Variants in AGAP1 observed in about 807,000 individuals in gnomAD.
AGAP1 encodes the protein arf-GAP with GTPase, ANK repeat and PH domain-containing protein 1.
In AGAP1, 29 loss-of-function variants were observed where a neutral mutation model predicts 105.3. That is an observed-to-expected ratio of 0.28 (90% CI 0.21 to 0.38). The LOEUF (loss-of-function observed/expected upper bound fraction) is 0.38. AGAP1 is among the 10% of genes least tolerant of loss of function. The pLI is 1.00. For missense variants in AGAP1, 998 were observed against 1,165.1 expected (o/e 0.86, Z 2.09); for synonymous variants, 509 against 485.9 (o/e 1.05, Z -0.63).
rs376902634 is a variant in AGAP1 at position 235,721,601 on chromosome 2, C to G, written c.310+3957C>G. On this transcript the variant is annotated intron_variant, in intron 3 of 17. Coordinates refer to ENST00000304032, the MANE Select transcript of AGAP1 (RefSeq NM_001037131.3). This position sits in a 1 kb window ranked among gnomAD's most constrained non-coding sequence, Gnocchi z 4.5. Reference sequence around the variant, plus strand: ...GTGGCTTAAAACAGAAATGTATTCTCATAGTTCTCAGAAGTCTGAAATCAA... The same window carrying G: ...GTGGCTTAAAACAGAAATGTATTCTGATAGTTCTCAGAAGTCTGAAATCAA... 6.6e-6 allele frequency among the ~76,000 whole-genome samples: 1 copy of G among 152,188 alleles called. No homozygotes were observed. The highest frequency in any genetic ancestry group is 1.5e-5 in the Non-Finnish European group (1 of 68,036).
At chr2:236,006,372 T>G (rs1161714541) in intron 13 of AGAP1, among the ~76,000 whole-genome samples, 1 of 152,228 alleles carries the variant, frequency 6.6e-6, no homozygotes, top group African/African-American at 2.4e-5. Context: ...ACCAGTGTCT[T>G]GGAGCTAGGC....
At chr2:235,671,134 C>A (rs568855321) in intron 1 of AGAP1, 2 of 1,229,778 alleles carry the variant, frequency 1.6e-6, no homozygotes, top group Non-Finnish European at 2.0e-6. Context: ...GGCTATGGGA[C>A]CCGCCCTCCC....
At chr2:235,502,420 T>C (rs1941600303) in intron 1 of AGAP1, among the ~76,000 whole-genome samples, 1 of 152,150 alleles carries the variant, frequency 6.6e-6, no homozygotes, top group South Asian at 2.1e-4. Context: ...CTGCCACTGC[T>C]TGCTCCAGTA....
rs1330680225 is a variant in AGAP1 at position 236,083,044 on chromosome 2, A to T, written c.2114+33763A>T. The stretch of plus-strand genomic sequence containing the variant: ...GTGGTGCACGCCTGTAATCCCAGCT[A>T]CTTAGGAGGCTGAGGCAGGAGAATC... On this transcript the variant is annotated intron_variant, in intron 16 of 17. Transcript: ENST00000304032. The surrounding 1 kb of genome is among the most constrained non-coding windows in gnomAD (Gnocchi z 5.3). Among the ~76,000 whole-genome samples, 6 of 151,922 alleles carry T rather than the reference A, an allele frequency of 3.9e-5. No homozygotes were observed. Among genetic ancestry groups the T allele is most frequent in the Non-Finnish European group, 8.8e-5 (6 of 67,994 alleles).
At position 235,934,715 on chromosome 2, in the gene AGAP1, A is replaced by G. The variant is rs1456951898; in HGVS notation, c.1483+3792A>G. On this transcript the variant is annotated intron_variant, in intron 12 of 17. Transcript: ENST00000304032. The surrounding 1 kb of genome is among the most constrained non-coding windows in gnomAD (Gnocchi z 4.9). ...TTCGAATGTATCTGCCCCCATCCCT[A>G]GTCTTTGGTTTGGATTTCAGAGTCG... is the stretch of plus-strand genomic sequence containing the variant. Among the ~76,000 whole-genome samples, 1 of 148,128 alleles carries G rather than the reference A, an allele frequency of 6.8e-6. No individual in the cohort carries two copies. The highest frequency in any genetic ancestry group is 1.5e-5 in the Non-Finnish European group (1 of 67,026).
chr2:235,635,301 A>T lies in AGAP1; in HGVS notation c.164-73878A>T, dbSNP rs1353232571. Among the ~76,000 whole-genome samples, 2 of 152,142 alleles carry T rather than the reference A, an allele frequency of 1.3e-5. No homozygotes were observed. Among genetic ancestry groups the T allele is most frequent in the Non-Finnish European group, 2.9e-5 (2 of 68,036 alleles). On this transcript the variant is annotated intron_variant, in intron 1 of 17. Coordinates refer to ENST00000304032, the MANE Select transcript of AGAP1 (RefSeq NM_001037131.3). This position sits in a 1 kb window ranked among gnomAD's most constrained non-coding sequence, Gnocchi z 5.3. ...CCTATCCGAGGTGACTTAGCAGAGG[A>T]TGAAGCACTCCCGTGAGTGAGCTGC...
intron 6 of AGAP1, among the ~76,000 whole-genome samples, chr2:235,760,644 G>A (rs1954361770): frequency 6.6e-6 from 1 of 152,196 alleles, no homozygotes; most frequent in African/African-American, 2.4e-5. Context: ...GGAGTACAGT[G>A]ATGCCATCAT....
At chr2:235,567,404 G>A (rs556573519) in intron 1 of AGAP1, among the ~76,000 whole-genome samples, 130 of 152,314 alleles carry the variant, frequency 8.5e-4, no homozygotes, top group Non-Finnish European at 1.3e-3. Flanking sequence ...GGCCCTGGGC[G>A]TCATTTAGCT....
At chr2:236,108,810 C>T (rs1260107255) in intron 16 of AGAP1, among the ~76,000 whole-genome samples, 2 of 152,036 alleles carry the variant, frequency 1.3e-5, no homozygotes, top group East Asian at 3.9e-4. Context: ...ACACAGCGGC[C>T]CCTGTGAGGA....
At chr2:235,686,665 A>ATAT (rs1369766503) in intron 1 of AGAP1, among the ~76,000 whole-genome samples, 15 of 77,498 alleles carry the variant, frequency 1.9e-4, no homozygotes, top group African/African-American at 9.0e-4. Context: ...ATATATATAT[A>ATAT]TTTTTTTTTT....
Position 235,574,265 on chromosome 2 carries a change from C to G in AGAP1, c.163+79416C>G, listed in dbSNP as rs990033484. Among the ~76,000 whole-genome samples the G allele has an allele frequency of 3.9e-5, 6 of 152,380 alleles. No individual in the cohort carries two copies. The East Asian group carries it at 7.7e-4, about 20-fold the overall frequency. On this transcript the variant is annotated intron_variant, in intron 1 of 17. Coordinates refer to ENST00000304032, the MANE Select transcript of AGAP1 (RefSeq NM_001037131.3). The surrounding 1 kb of genome is among the most constrained non-coding windows in gnomAD (Gnocchi z 5.0). ...TAAAAACGCCTCTGAGATCCACCCC[C>G]ACTCCTGCCATCAGGCATTAAAATC...
rs116881493 is a variant in AGAP1 at position 235,735,778 on chromosome 2, C to T, written c.311-5185C>T. ...CAAGCTCAAGGGCAAACTAAGGCAC[C>T]CAGCGCAGTTTCCACATGTTCTGGG... On this transcript the variant is annotated intron_variant, in intron 3 of 17. Transcript: ENST00000304032. 1.2e-3 allele frequency among the ~76,000 whole-genome samples: 187 copies of T among 152,150 alleles called. 2 individuals are homozygous for T. In the East Asian group the frequency reaches 0.027, roughly 22 times the overall value.
intron 4 of AGAP1, among the ~76,000 whole-genome samples, chr2:235,742,869 A>G (rs1332595480): frequency 1.3e-5 from 2 of 152,190 alleles, no homozygotes; most frequent in African/African-American, 4.8e-5. Context: ...AAATATAGAG[A>G]AAAATCTACA....
At chr2:235,955,085 G>A (rs183655408) in intron 12 of AGAP1, among the ~76,000 whole-genome samples, 1 of 152,236 alleles carries the variant, frequency 6.6e-6, no homozygotes, top group Non-Finnish European at 1.5e-5. Flanking sequence ...GAGGTTCAGG[G>A]GTGCTATTTT....
At chr2:235,504,056 A>AT (rs1267983667) in intron 1 of AGAP1, among the ~76,000 whole-genome samples, 2 of 151,766 alleles carry the variant, frequency 1.3e-5, no homozygotes, top group African/African-American at 4.8e-5. Context: ...TAATTTTTTA[A>AT]TTTTTTTTGT....
intron 9 of AGAP1, among the ~76,000 whole-genome samples, 181 bp downstream of exon 9, chr2:235,807,512 G>A (rs1426404739): frequency 1.3e-5 from 2 of 152,252 alleles, no homozygotes; most frequent in Admixed American, 1.3e-4. Flanking sequence ...TCATTAGAAT[G>A]AGAAGAGGGA....
intron 9 of AGAP1, among the ~76,000 whole-genome samples, chr2:235,871,591 T>C (rs901132735): frequency 6.6e-6 from 1 of 152,222 alleles, no homozygotes; most frequent in Admixed American, 6.5e-5. Flanking sequence ...GCCATGTGTT[T>C]TTGATTTTTG....
At chr2:236,025,072 G>A (rs1470694307) in intron 13 of AGAP1, among the ~76,000 whole-genome samples, 1 of 152,206 alleles carries the variant, frequency 6.6e-6, no homozygotes, top group Non-Finnish European at 1.5e-5. Context: ...GTCTGTGTGT[G>A]TATCTGAAAC....
In AGAP1 at chr2:236,126,308, G is replaced by A. The variant is rs1040159883; in HGVS notation, c.*2186G>A. 1.8e-4 allele frequency: 27 copies of A among 152,236 alleles called. No homozygotes were observed. Among genetic ancestry groups the A allele is most frequent in the African/African-American group, 6.3e-4 (26 of 41,530 alleles). The allele number at this position is 152,236 out of a possible 1,614,324, so 9.4% of individuals were successfully genotyped here. ...GTCATTGCCTATTTTTGAAGAACGC[G>A]TTGGTGTTCGAGTCCACTAGACACA... On this transcript the variant is annotated 3_prime_UTR_variant, in exon 18 of 18. Coordinates refer to ENST00000304032, the MANE Select transcript of AGAP1 (RefSeq NM_001037131.3).
Sources: allele counts gnomAD v4.1 joint callset (sites outside exome capture counted in the v4.1 genomes callset), GRCh38; gene constraint gnomAD v4.1.1; non-coding constraint Gnocchi (gnomAD v3.1); transcripts MANE v1.5; gene names NCBI Gene and HGNC (gene_info 2026-07-23, HGNC 2026-07-21).